The following ZEB1 variants were observed in gnomAD, a reference collection of about 807,000 sequenced individuals.
The protein encoded by ZEB1 is zinc finger E-box binding homeobox 1.
In ZEB1, 21 loss-of-function variants were observed where a neutral mutation model predicts 84.9. The ratio of observed to expected loss-of-function variants is 0.25; its 90% CI spans 0.18 to 0.36. The LOEUF is 0.36. Ranked by LOEUF, ZEB1 falls within the 10% of genes least tolerant of loss-of-function variation. ZEB1 has a pLI of 1.00. For missense variants in ZEB1, 1,104 were observed against 1,330.2 expected, an observed-to-expected ratio of 0.83 and a Z score of 2.65; for synonymous variants, 420 against 471.1, an observed-to-expected ratio of 0.89 and a Z score of 1.41.
At chr10:31,509,284 G>A (rs2069542218) in intron 4 of ZEB1, among the ~76,000 whole-genome samples, 1 of 152,174 alleles carries the variant, frequency 6.6e-6, no homozygotes, top group African/African-American at 2.4e-5. Flanking sequence ...AGCCCACGAT[G>A]GTCCAGGGGT....
chr10:31,460,918 A>C (rs2061733117), intron 1 of ZEB1, 119 bp from the exon 2 acceptor site: 2 of 859,440 alleles, frequency 2.3e-6, no homozygotes, highest in Middle Eastern at 6.5e-4. Flanking sequence ...TGTTAACATT[A>C]TTTAAAAGAA....
chr10:31,366,009 A>C (rs181412194), intron 1 of ZEB1, among the ~76,000 whole-genome samples: 1 of 152,332 alleles, frequency 6.6e-6, no homozygotes, highest in Non-Finnish European at 1.5e-5. Context: ...TTGGAAAGAA[A>C]AGGCAGTTGC....
chr10:31,431,990 CAT>C (rs139225045), intron 1 of ZEB1, among the ~76,000 whole-genome samples: 7,277 of 152,212 alleles, frequency 0.048, 179 homozygotes, highest in South Asian at 0.064. Flanking sequence ...ATTGAAATAT[CAT>C]GTGTATGTGG....
chr10:31,406,690 A>G (rs2053133844), intron 1 of ZEB1, among the ~76,000 whole-genome samples: 1 of 151,950 alleles, frequency 6.6e-6, no homozygotes, highest in African/African-American at 2.4e-5. Context: ...GAAGCTCTTT[A>G]GTTTAATTAC....
At chr10:31,476,686 G>C (rs77875938) in intron 2 of ZEB1, among the ~76,000 whole-genome samples, 122 of 152,014 alleles carry the variant, frequency 8.0e-4, no homozygotes, top group Middle Eastern at 3.4e-3. Context: ...CAGATTTATC[G>C]CACATCAAAA....
intron 1 of ZEB1, among the ~76,000 whole-genome samples, chr10:31,459,413 C>A (rs942852635): frequency 2.0e-5 from 3 of 151,860 alleles, no homozygotes; most frequent in Admixed American, 6.6e-5. Context: ...TTACATCATG[C>A]CTACTTAGTG....
intron 1 of ZEB1, among the ~76,000 whole-genome samples, chr10:31,330,225 G>T (rs993380944): frequency 3.3e-5 from 5 of 152,102 alleles, no homozygotes; most frequent in East Asian, 1.9e-4. Flanking sequence ...TTTGGCATAA[G>T]AATTTTTATT....
chr10:31,490,997 A>G (rs1057060583), intron 2 of ZEB1, among the ~76,000 whole-genome samples: 12 of 151,756 alleles, frequency 7.9e-5, no homozygotes, highest in African/African-American at 2.9e-4. Flanking sequence ...GGTCCAATCT[A>G]GAACATGGGT....
At chr10:31,362,013 G>A (rs1486675895) in intron 1 of ZEB1, among the ~76,000 whole-genome samples, 1 of 150,896 alleles carries the variant, frequency 6.6e-6, no homozygotes, top group Non-Finnish European at 1.5e-5. Context: ...AGGCTGGGCA[G>A]AGGCACTCCT....
chr10:31,494,459 C>T (rs1222576758), intron 2 of ZEB1, among the ~76,000 whole-genome samples: 1 of 151,768 alleles, frequency 6.6e-6, no homozygotes, highest in Non-Finnish European at 1.5e-5. Context: ...TGAATAAATC[C>T]ACGTGATAAT....
At chr10:31,343,991 G>C (rs1007161059) in intron 1 of ZEB1, among the ~76,000 whole-genome samples, 1 of 152,050 alleles carries the variant, frequency 6.6e-6, no homozygotes, top group African/African-American at 2.4e-5. Flanking sequence ...GGGAAGGGGT[G>C]ACATTTCTTT....
chr10:31,361,717 G>GT (rs2043125112), intron 1 of ZEB1, among the ~76,000 whole-genome samples: 1 of 151,938 alleles, frequency 6.6e-6, no homozygotes, highest in Admixed American at 6.5e-5. Flanking sequence ...TTCCCAGATG[G>GT]GACGGTGGCC....
chr10:31,335,071 C>T (rs1481986354), intron 1 of ZEB1, among the ~76,000 whole-genome samples: 1 of 151,976 alleles, frequency 6.6e-6, no homozygotes, highest in Non-Finnish European at 1.5e-5. Context: ...GACCTATGTA[C>T]AAAAATTCAT....
chr10:31,472,202 A>C (rs1409711526), intron 2 of ZEB1, among the ~76,000 whole-genome samples: 3 of 151,856 alleles, frequency 2.0e-5, no homozygotes, highest in Non-Finnish European at 4.4e-5. Flanking sequence ...GGCAAGAAAT[A>C]ACTAAAATCA....
intron 1 of ZEB1, among the ~76,000 whole-genome samples, chr10:31,341,246 C>G (rs1326616156): frequency 6.6e-6 from 1 of 151,908 alleles, no homozygotes; most frequent in Non-Finnish European, 1.5e-5. Context: ...TAAGAGGTGA[C>G]GAGGGCTTAA....
intron 1 of ZEB1, chr10:31,360,967 A>C (rs1251713224): frequency 6.2e-7 from 1 of 1,603,696 alleles, no homozygotes; most frequent in Non-Finnish European, 8.5e-7. Flanking sequence ...GGCGACCGCC[A>C]CGGAGCAGTG....
At chr10:31,415,197 A>AAGT (rs1229933607) in intron 1 of ZEB1, among the ~76,000 whole-genome samples, 14 of 152,156 alleles carry the variant, frequency 9.2e-5, no homozygotes, top group African/African-American at 1.4e-4. Flanking sequence ...AATAGAATTA[A>AAGT]CTGTTCGACA....
At chr10:31,319,606 C>T in intron 1 of ZEB1, 1 of 363,818 alleles carries the variant, frequency 2.7e-6, no homozygotes. Flanking sequence ...CGGCGCAGGG[C>T]GGGCGGCCGG....
At chr10:31,409,018 G>A (rs1249560150) in intron 1 of ZEB1, among the ~76,000 whole-genome samples, 6 of 151,846 alleles carry the variant, frequency 4.0e-5, no homozygotes, top group African/African-American at 1.5e-4. Flanking sequence ...CTAATATCCA[G>A]AATCTACAAT....
Sources: gnomAD v4.1 joint callset for allele counts (sites outside exome capture counted in the v4.1 genomes callset) on GRCh38, gnomAD v4.1.1 for gene constraint, MANE v1.5 for transcripts, NCBI Gene and HGNC (gene_info 2026-07-23, HGNC 2026-07-21) for gene names.